The following AKAP19 variants were observed in gnomAD, a reference collection of about 807,000 sequenced individuals.
The protein encoded by AKAP19 is small A-kinase anchoring protein.
At chr2:190,071,914 AACAAG>A in the AKAP19 span, among the ~76,000 whole-genome samples, 6 of 152,300 alleles carry the variant, frequency 3.9e-5, no homozygotes, top group South Asian at 8.3e-4. Flanking sequence ...AGAAAGTAAA[AACAAG>A]ACAAGGAAAT....
At chr2:190,068,487 G>A in the AKAP19 span, among the ~76,000 whole-genome samples, 35 of 152,206 alleles carry the variant, frequency 2.3e-4, no homozygotes, top group Non-Finnish European at 4.4e-4. Context: ...GTGCCACCAT[G>A]CCTGGCTAAT....
the AKAP19 span, among the ~76,000 whole-genome samples, chr2:190,041,087 C>T: frequency 0.011 from 1,603 of 152,262 alleles, 34 homozygotes; most frequent in Admixed American, 0.037. Context: ...ATGGAAGTAG[C>T]ATTGAATTTG....
the AKAP19 span, among the ~76,000 whole-genome samples, chr2:190,116,530 A>G: frequency 1.3e-5 from 2 of 152,166 alleles, no homozygotes; most frequent in Non-Finnish European, 2.9e-5. Context: ...AGTTAAAACT[A>G]TAGCACATTT....
the AKAP19 span, among the ~76,000 whole-genome samples, chr2:189,922,392 A>T: frequency 1.3e-5 from 2 of 152,252 alleles, no homozygotes; most frequent in Non-Finnish European, 2.9e-5. Context: ...CCAGTTCGAA[A>T]GCTATCAGCT....
the AKAP19 span, among the ~76,000 whole-genome samples, chr2:190,030,212 A>G: frequency 6.6e-6 from 1 of 152,200 alleles, no homozygotes; most frequent in Non-Finnish European, 1.5e-5. Flanking sequence ...CCTGGTTTTT[A>G]TAGCTCTTCC....
chr2:190,041,541 C>T, the AKAP19 span, among the ~76,000 whole-genome samples: 1 of 152,290 alleles, frequency 6.6e-6, no homozygotes, highest in East Asian at 1.9e-4. Flanking sequence ...CTGGCTAGGA[C>T]TTTCAATACT....
the AKAP19 span, among the ~76,000 whole-genome samples, chr2:190,132,479 G>A: frequency 1.3e-5 from 2 of 152,070 alleles, no homozygotes; most frequent in Admixed American, 6.6e-5. Context: ...ATAAATCCAC[G>A]CTTTTACAGT....
chr2:189,923,510 A>C, the AKAP19 span: 1 of 1,613,798 alleles, frequency 6.2e-7, no homozygotes, highest in Admixed American at 1.7e-5. Flanking sequence ...TCAGTATGTT[A>C]ATGAGAGAAA....
At chr2:189,985,927 C>T in the AKAP19 span, among the ~76,000 whole-genome samples, 1 of 152,238 alleles carries the variant, frequency 6.6e-6, no homozygotes, top group Admixed American at 6.5e-5. Context: ...AAAAAATTAT[C>T]TACTTGGGTG....
chr2:190,198,433 G>A, the AKAP19 span, among the ~76,000 whole-genome samples: 1 of 152,112 alleles, frequency 6.6e-6, no homozygotes, highest in Admixed American at 6.6e-5. Flanking sequence ...TTGACCCCGG[G>A]AGTTCAAGAC....
At chr2:189,989,573 T>C in the AKAP19 span, among the ~76,000 whole-genome samples, 1 of 151,624 alleles carries the variant, frequency 6.6e-6, no homozygotes, top group African/African-American at 2.4e-5. Flanking sequence ...ACAAAAAAAA[T>C]TGGGGGTAGA....
At chr2:190,129,253 T>A in the AKAP19 span, among the ~76,000 whole-genome samples, 1 of 152,190 alleles carries the variant, frequency 6.6e-6, no homozygotes, top group Non-Finnish European at 1.5e-5. Flanking sequence ...TCTATAAAAG[T>A]GTGGTTGCAA....
the AKAP19 span, among the ~76,000 whole-genome samples, chr2:190,106,461 T>C: frequency 2.6e-5 from 4 of 152,172 alleles, no homozygotes; most frequent in Non-Finnish European, 5.9e-5. Flanking sequence ...TAATTCTGCT[T>C]GTCCACTGTT....
chr2:189,923,247 A>G, the AKAP19 span: 3 of 1,356,094 alleles, frequency 2.2e-6, no homozygotes, highest in East Asian at 7.0e-5. Flanking sequence ...TTCTCTACGC[A>G]GAACCCGGGA....
the AKAP19 span, among the ~76,000 whole-genome samples, chr2:189,940,654 A>G: frequency 6.6e-6 from 1 of 152,132 alleles, no homozygotes; most frequent in African/African-American, 2.4e-5. Context: ...TTGAAAGGCC[A>G]GAGGGCTGGG....
At chr2:190,062,835 G>A in the AKAP19 span, 2 of 466,112 alleles carry the variant, frequency 4.3e-6, no homozygotes, top group Non-Finnish European at 7.6e-6. Context: ...GCTGTCAGAG[G>A]TTAAAACCCT....
At chr2:189,923,397 G>T in the AKAP19 span, 108,270 of 1,612,932 alleles carry the variant, frequency 0.067, 5,337 homozygotes, top group East Asian at 0.21. Context: ...GTATTCATTG[G>T]GAATCTCAAC....
At chr2:190,073,314 C>A in the AKAP19 span, among the ~76,000 whole-genome samples, 34 of 152,034 alleles carry the variant, frequency 2.2e-4, no homozygotes, top group Admixed American at 1.4e-3. Context: ...CTTCCAAATC[C>A]TCAATGGACA....
chr2:190,160,254 C>CT, the AKAP19 span, among the ~76,000 whole-genome samples: 1 of 152,114 alleles, frequency 6.6e-6, no homozygotes, highest in African/African-American at 2.4e-5. Context: ...TTATGGGCTG[C>CT]TATTGGACAT....
Sources: gnomAD v4.1 joint callset for allele counts (sites outside exome capture counted in the v4.1 genomes callset) on GRCh38, gnomAD v4.1.1 for gene constraint, MANE v1.5 for transcripts, NCBI Gene and HGNC (gene_info 2026-07-23, HGNC 2026-07-21) for gene names.